The following AKAP13 variants were observed in gnomAD, a reference collection of about 807,000 sequenced individuals.
The protein encoded by AKAP13 is A-kinase anchor protein 13.
In AKAP13, 80 loss-of-function variants were observed where a neutral mutation model predicts 264.5. The ratio of observed to expected loss-of-function variants is 0.30; its 90% CI spans 0.25 to 0.36. The LOEUF is 0.36. Among genes scored for constraint, AKAP13 ranks in the 10% least tolerant of loss-of-function variants. The probability of loss-of-function intolerance (pLI) is 1.00; values close to 1 mark genes in which losing one functional copy is unlikely to be tolerated. For missense variants in AKAP13, 3,712 were observed against 3,435.2 expected, an observed-to-expected ratio of 1.08 and a Z score of -2.01; for synonymous variants, 1,380 against 1,250.2, an observed-to-expected ratio of 1.10 and a Z score of -2.19.
At chr15:85,664,872 A>G (rs1173171362) in intron 13 of AKAP13, 117 bp downstream of exon 13, 2 of 970,688 alleles carry the variant, frequency 2.1e-6, no homozygotes, top group Non-Finnish European at 3.0e-6. Flanking sequence ...ATTATATGAT[A>G]TACTTAATCT....
At chr15:85,427,080 C>T (rs574613765) in intron 1 of AKAP13, among the ~76,000 whole-genome samples, 57 of 151,726 alleles carry the variant, frequency 3.8e-4, no homozygotes, top group African/African-American at 1.2e-3. Context: ...CTCAGCCTCC[C>T]GAATAGCTGG....
At chr15:85,454,930 T>G (rs919468700) in intron 1 of AKAP13, among the ~76,000 whole-genome samples, 6 of 152,208 alleles carry the variant, frequency 3.9e-5, no homozygotes, top group African/African-American at 1.4e-4. Context: ...TACTGACAGA[T>G]TTTTAGGCAC....
chr15:85,712,597 G>A (rs757358982), intron 19 of AKAP13, among the ~76,000 whole-genome samples: 108 of 151,576 alleles, frequency 7.1e-4, no homozygotes, highest in Admixed American at 3.9e-4. Context: ...AGGCTGGAGT[G>A]CAGTGGCACA....
intron 35 of AKAP13, among the ~76,000 whole-genome samples, chr15:85,742,294 A>G (rs1166764549): frequency 6.6e-6 from 1 of 152,190 alleles, no homozygotes; most frequent in African/African-American, 2.4e-5. Context: ...GCCACATCAG[A>G]AATCAGGCAT....
At chr15:85,591,234 A>G (rs977706081) in intron 8 of AKAP13, among the ~76,000 whole-genome samples, 21 of 148,952 alleles carry the variant, frequency 1.4e-4, no homozygotes, top group African/African-American at 5.2e-4. Context: ...AATTTTTCCC[A>G]TTATACTATT....
At chr15:85,431,948 A>C (rs2073041317) in intron 1 of AKAP13, among the ~76,000 whole-genome samples, 1 of 152,196 alleles carries the variant, frequency 6.6e-6, no homozygotes, top group Non-Finnish European at 1.5e-5. Context: ...ACCCAAATGA[A>C]GAGTTGCTGT....
At chr15:85,670,255 A>G (rs1227946884) in intron 14 of AKAP13, among the ~76,000 whole-genome samples, 1 of 151,976 alleles carries the variant, frequency 6.6e-6, no homozygotes, top group Admixed American at 6.6e-5. Context: ...TCACTCCCCT[A>G]AAGATTTTTT....
At chr15:85,508,916 G>C (rs1360047772) in intron 2 of AKAP13, among the ~76,000 whole-genome samples, 4 of 152,000 alleles carry the variant, frequency 2.6e-5, no homozygotes, top group Admixed American at 2.0e-4. Flanking sequence ...TTCCTTGGAG[G>C]AGCTTTTCCA....
At chr15:85,665,268 A>G (rs901293789) in intron 13 of AKAP13, among the ~76,000 whole-genome samples, 1 of 152,224 alleles carries the variant, frequency 6.6e-6, no homozygotes, top group East Asian at 1.9e-4. Flanking sequence ...CCATCAAGGC[A>G]CACTTTTTAA....
chr15:85,461,442 A>G (rs2074509228), intron 1 of AKAP13, among the ~76,000 whole-genome samples: 1 of 152,138 alleles, frequency 6.6e-6, no homozygotes, highest in African/African-American at 2.4e-5. Context: ...CTATCCTCAG[A>G]ACTTTGCACA....
chr15:85,562,949 G>A (rs2078457417), intron 5 of AKAP13, among the ~76,000 whole-genome samples: 1 of 150,752 alleles, frequency 6.6e-6, no homozygotes, highest in Non-Finnish European at 1.5e-5. Context: ...CCTGACCTCA[G>A]GTGATCCACC....
intron 1 of AKAP13, among the ~76,000 whole-genome samples, chr15:85,467,075 TACAC>T (rs3054059): frequency 0.34 from 50,866 of 149,244 alleles, 10,340 homozygotes; most frequent in Middle Eastern, 0.51. Context: ...TTGTATTAAC[TACAC>T]ACACACACAC....
At chr15:85,399,523 T>TAAAAAAAAAAAAAAAAAAAAAAAAA (rs1367253621) in intron 1 of AKAP13, among the ~76,000 whole-genome samples, 1 of 78,030 alleles carries the variant, frequency 1.3e-5, no homozygotes, top group Admixed American at 1.3e-4. Context: ...AAAAAAAAAA[T>TAAAAAAAAAAAAAAAAAAAAAAAAA]AAAAAAATAA....
Position 85,522,200 on chromosome 15 carries a change from C to T in AKAP13, c.181+625C>T, listed in dbSNP as rs113701806. Among the ~76,000 whole-genome samples the T allele has an allele frequency of 1.1e-4, 17 of 152,066 alleles. No individual in the cohort carries two copies. In the Middle Eastern group the frequency reaches 0.017, roughly 152 times the overall value. ...TTAACCTAGGTATAATCGATCAGTC[C>T]GTGACTCAGTTCTCATTAGGAAAGG... On this transcript the variant is annotated intron_variant, in intron 3 of 36. Transcript: ENST00000394518.
chr15:85,533,707 TC>T lies in AKAP13; in HGVS notation c.307del (p.Leu103Ter). The T allele has an allele frequency of 6.2e-7, 1 of 1,614,178 alleles. No homozygotes were observed. The highest frequency in any genetic ancestry group is 8.5e-7 in the Non-Finnish European group (1 of 1,180,026). On this transcript the variant is annotated frameshift_variant, in exon 4 of 37. Coordinates refer to ENST00000394518, the MANE Select transcript of AKAP13 (RefSeq NM_007200.5). LOFTEE classifies it high-confidence loss of function. ...VQDEAYDAAQ[F>X]LATSAGNQQA... is the part of the protein sequence containing the mutation. ...GATGAAGCGTATGATGCAGCTCAAT[TC>T]CTAGCAACCAGTGCTGGAAATCAGC...
intron 1 of AKAP13, among the ~76,000 whole-genome samples, chr15:85,408,441 C>T (rs568330319): frequency 1.3e-5 from 2 of 151,776 alleles, no homozygotes; most frequent in South Asian, 2.1e-4. Context: ...TTTCATGTTG[C>T]GGAACGGAAA....
chr15:85,699,851 T>C (rs1435172266), intron 17 of AKAP13, among the ~76,000 whole-genome samples: 1 of 152,240 alleles, frequency 6.6e-6, no homozygotes, highest in African/African-American at 2.4e-5. Context: ...CTACCAACTC[T>C]CAGTTCTGGA....
intron 8 of AKAP13, among the ~76,000 whole-genome samples, chr15:85,595,953 T>G (rs2079806606): frequency 6.6e-6 from 1 of 152,244 alleles, no homozygotes; most frequent in Admixed American, 6.5e-5. Flanking sequence ...ATATTTCCAT[T>G]CAGCCATTGA....
chr15:85,442,498 TTA>T (rs1273509620), intron 1 of AKAP13, among the ~76,000 whole-genome samples: 1 of 107,534 alleles, frequency 9.3e-6, no homozygotes, highest in East Asian at 2.5e-4. Flanking sequence ...ATAATATATA[TTA>T]TATTATATAT....
Sources: allele counts gnomAD v4.1 joint callset (sites outside exome capture counted in the v4.1 genomes callset), GRCh38; gene constraint gnomAD v4.1.1; transcripts MANE v1.5; gene names NCBI Gene and HGNC (gene_info 2026-07-23, HGNC 2026-07-21).